The following CCDC88A variants were observed in gnomAD, a reference collection of about 807,000 sequenced individuals.
The protein encoded by CCDC88A is girdin.
CCDC88A carries 54 observed loss-of-function variants against 234.3 expected under a neutral mutation model. The observed-to-expected ratio is 0.23, with a 90% CI of 0.19 to 0.29. The LOEUF is 0.29. CCDC88A is among the 10% of genes least tolerant of loss of function. The pLI, the probability that CCDC88A is intolerant of heterozygous loss-of-function variation, is 1.00. For synonymous variants in CCDC88A, 753 were observed against 737.8 expected (o/e 1.02, Z -0.33); for missense variants, 1,832 against 2,123.4 (o/e 0.86, Z 2.70).
At chr2:55,407,686 C>G (rs1679825058) in intron 2 of CCDC88A, among the ~76,000 whole-genome samples, 1 of 150,566 alleles carries the variant, frequency 6.6e-6, no homozygotes, top group South Asian at 2.1e-4. Context: ...TACATTATTT[C>G]TTAATTTATT....
In CCDC88A at chr2:55,289,456, G is replaced by C. The variant is rs1056406475; in HGVS notation, c.*1744C>G. 8 of 152,414 alleles carry C rather than the reference G, an allele frequency of 5.2e-5. No homozygotes were observed. Among genetic ancestry groups the C allele is most frequent in the Admixed American group, 1.3e-4 (2 of 15,266 alleles). 9.4% of individuals were successfully genotyped at this position (152,414 alleles called of 1,614,324 possible). ...CTTGAATCCAGGGAGTTATGAGAGA[G>C]AGAGATGTTTCAAAGTCTACGGAAA... On this transcript the variant is annotated 3_prime_UTR_variant, in exon 33 of 33. Transcript: ENST00000436346.
chr2:55,418,793 C>T, intron 2 of CCDC88A, 23 bp downstream of exon 2: 1 of 1,568,676 alleles, frequency 6.4e-7, no homozygotes, highest in Non-Finnish European at 8.8e-7. Flanking sequence ...AAAACGTTAC[C>T]TAGGAAAGAA....
In CCDC88A at chr2:55,355,648, T is replaced by C. The variant is rs749878943; in HGVS notation, c.731A>G (p.Glu244Gly). 19 of 1,614,164 alleles carry C rather than the reference T, an allele frequency of 1.2e-5. No individual in the cohort carries two copies. Among genetic ancestry groups the C allele is most frequent in the Non-Finnish European group, 1.5e-5 (18 of 1,179,998 alleles). The change falls in exon 8 of 33, where the codon GAA becomes GGA. Residue 244 changes from glutamate to glycine, a missense_variant. Transcript: ENST00000436346. ...PCGSPGMKRT[E>G]SRQHLSVELA... ...TTCCACCGACAGATGTTGTCGACTT[T>C]CTGTTCGCTTCATGCCTGGAGAACC...
chr2:55,366,662 C>A (rs973339637), intron 5 of CCDC88A, among the ~76,000 whole-genome samples: 11 of 150,620 alleles, frequency 7.3e-5, no homozygotes, highest in African/African-American at 2.7e-4. Flanking sequence ...ATGCATAAAC[C>A]CTAAAGTTGT....
intron 12 of CCDC88A, among the ~76,000 whole-genome samples, chr2:55,342,011 G>C (rs1668573241): frequency 1.3e-5 from 2 of 152,066 alleles, no homozygotes; most frequent in African/African-American, 4.8e-5. Flanking sequence ...CAGAATGGCT[G>C]AACCAGTTTA....
chr2:55,375,900 C>T (rs1375608972), intron 3 of CCDC88A, among the ~76,000 whole-genome samples: 1 of 152,088 alleles, frequency 6.6e-6, no homozygotes, highest in Non-Finnish European at 1.5e-5. Context: ...AGAAACCTAA[C>T]TGCTTTATTA....
intron 21 of CCDC88A, among the ~76,000 whole-genome samples, chr2:55,316,414 G>A (rs1574074955): frequency 1.3e-5 from 2 of 152,018 alleles, no homozygotes; most frequent in Non-Finnish European, 2.9e-5. Flanking sequence ...AAAGTTTCAA[G>A]TATTAATAAG....
intron 5 of CCDC88A, among the ~76,000 whole-genome samples, chr2:55,366,246 C>T (rs541591822): frequency 5.9e-5 from 9 of 152,058 alleles, no homozygotes; most frequent in Non-Finnish European, 8.8e-5. Flanking sequence ...GACATGGAGG[C>T]CAGGCGTGAT....
chr2:55,377,036 C>G (rs1321859594), intron 3 of CCDC88A, among the ~76,000 whole-genome samples: 2 of 151,976 alleles, frequency 1.3e-5, no homozygotes, highest in East Asian at 3.9e-4. Context: ...GTTTCACCAT[C>G]TTGGCCAGGC....
intron 29 of CCDC88A, chr2:55,296,786 G>A (rs1477275852): frequency 2.4e-6 from 1 of 416,098 alleles, no homozygotes; most frequent in Non-Finnish European, 4.3e-6. Flanking sequence ...CATACTCAGA[G>A]CCTAAACAGA....
chr2:55,298,647 C>T (rs1466289786), intron 29 of CCDC88A, among the ~76,000 whole-genome samples: 1 of 151,804 alleles, frequency 6.6e-6, no homozygotes, highest in African/African-American at 2.4e-5. Flanking sequence ...GATGAGGTGC[C>T]TCACTTGAGC....
chr2:55,344,914 G>C (rs1330606794), intron 10 of CCDC88A, among the ~76,000 whole-genome samples: 1 of 152,104 alleles, frequency 6.6e-6, no homozygotes, highest in Non-Finnish European at 1.5e-5. Flanking sequence ...GAAGTGAAGG[G>C]CTTGAGGTTT....
chr2:55,303,222 G>T (rs1385890025), intron 25 of CCDC88A, 70 bp from the exon 26 acceptor site: 15 of 890,984 alleles, frequency 1.7e-5, no homozygotes, highest in Non-Finnish European at 2.6e-5. Context: ...GAACAGATGG[G>T]AGTTAAATGT....
At chr2:55,337,882 A>ATAT (rs1477955518) in intron 13 of CCDC88A, among the ~76,000 whole-genome samples, 1 of 152,146 alleles carries the variant, frequency 6.6e-6, no homozygotes, top group Non-Finnish European at 1.5e-5. Context: ...AATAATAATA[A>ATAT]TATGAAAAGC....
At chr2:55,412,248 C>T (rs1369549802) in intron 2 of CCDC88A, among the ~76,000 whole-genome samples, 3 of 152,112 alleles carry the variant, frequency 2.0e-5, no homozygotes, top group East Asian at 1.9e-4. Flanking sequence ...GCAATAGCTA[C>T]GCAGGTGAAG....
chr2:55,351,122 A>G (rs914822258), intron 8 of CCDC88A, among the ~76,000 whole-genome samples: 1 of 152,016 alleles, frequency 6.6e-6, no homozygotes, highest in Non-Finnish European at 1.5e-5. Flanking sequence ...TTTCTTTTTT[A>G]AGAGAGAGGA....
chr2:55,322,218 T>A (rs1683726303), intron 18 of CCDC88A, among the ~76,000 whole-genome samples: 1 of 152,138 alleles, frequency 6.6e-6, no homozygotes. Context: ...ACTAAAGCAG[T>A]GGAACAATAG....
intron 5 of CCDC88A, among the ~76,000 whole-genome samples, chr2:55,371,634 T>C (rs1007289867): frequency 6.6e-6 from 1 of 152,160 alleles, no homozygotes; most frequent in Non-Finnish European, 1.5e-5. Flanking sequence ...AGTTTACACA[T>C]GCCATTCCAC....
chr2:55,296,246 G>C lies in CCDC88A; in HGVS notation c.5091+12C>G. On this transcript the variant is annotated intron_variant, in intron 30 of 32. Coordinates refer to ENST00000436346, the MANE Select transcript of CCDC88A (RefSeq NM_001365480.1). ...GTTCATCTAAATTAAGGTCATCATAGATAAAACTAACCTGTACTGAGGTAA... is the reference window on the plus strand; with the variant it reads ...GTTCATCTAAATTAAGGTCATCATACATAAAACTAACCTGTACTGAGGTAA... 6.2e-7 allele frequency: 1 copy of C among 1,609,904 alleles called. No individual in the cohort carries two copies. The highest frequency in any genetic ancestry group is 1.1e-5 in the South Asian group (1 of 90,436).
Sources: allele counts gnomAD v4.1 joint callset (sites outside exome capture counted in the v4.1 genomes callset), GRCh38; gene constraint gnomAD v4.1.1; transcripts MANE v1.5; gene names NCBI Gene and HGNC (gene_info 2026-07-23, HGNC 2026-07-21).